Variants in TENM2 observed in about 807,000 individuals in gnomAD.
TENM2 encodes the protein teneurin-2.
A neutral mutation model predicts 245.2 loss-of-function variants in TENM2; 52 were observed. The observed-to-expected ratio is 0.21, with a 90% CI of 0.17 to 0.27. TENM2 has a LOEUF of 0.27. Ranked by LOEUF, TENM2 falls within the 10% of genes least tolerant of loss-of-function variation. The pLI is 1.00. For synonymous variants in TENM2, 1,363 were observed against 1,438.9 expected (o/e 0.95, Z 1.19); for missense variants, 3,046 against 3,666.8 (o/e 0.83, Z 4.37).
At chr5:167,234,260 G>C in the TENM2 span, among the ~76,000 whole-genome samples, 83 of 152,206 alleles carry the variant, frequency 5.5e-4, 1 homozygote, top group African/African-American at 1.9e-3. Flanking sequence ...TTTTTCTAAC[G>C]GAAGTCCTTT....
intron 2 of TENM2, among the ~76,000 whole-genome samples, chr5:167,379,797 A>G (rs1481533859): frequency 1.3e-5 from 2 of 152,060 alleles, no homozygotes; most frequent in South Asian, 2.1e-4. Context: ...AAAAGCATAC[A>G]TTCATATTTG....
chr5:167,423,680 T>C (rs1243032070), intron 2 of TENM2, among the ~76,000 whole-genome samples: 1 of 152,168 alleles, frequency 6.6e-6, no homozygotes, highest in Non-Finnish European at 1.5e-5. Context: ...AAAACAATAG[T>C]CCAGGACTTC....
intron 2 of TENM2, among the ~76,000 whole-genome samples, chr5:167,481,615 T>C (rs1767764157): frequency 1.3e-5 from 2 of 152,100 alleles, no homozygotes; most frequent in Admixed American, 1.3e-4. Context: ...GCCACATGTG[T>C]CACGTACCTG....
exon 25 of TENM2, chr5:168,227,998 G>C: frequency 6.2e-7 from 1 of 1,613,662 alleles, no homozygotes; most frequent in Non-Finnish European, 8.5e-7. Context: ...ATGTCCTAGC[G>C]GGCACCATCA....
chr5:167,876,737 G>C lies in TENM2; in HGVS notation c.712+542G>C, dbSNP rs1056610282. Among the ~76,000 whole-genome samples the C allele has an allele frequency of 2.6e-5, 4 of 152,138 alleles. No individual in the cohort carries two copies. In the East Asian group the frequency reaches 7.7e-4, roughly 29 times the overall value. Reference sequence around the variant, plus strand: ...TTGCCAAGTCTGAAGTGTTTGGGGGGTGACCTCTCCTGTAACCCTTTGCTT... The same window carrying C: ...TTGCCAAGTCTGAAGTGTTTGGGGGCTGACCTCTCCTGTAACCCTTTGCTT... On this transcript the variant is annotated intron_variant, in intron 3 of 28. Transcript: ENST00000518659.
chr5:168,213,615 A>C (rs1044394691), intron 20 of TENM2, among the ~76,000 whole-genome samples: 8 of 151,996 alleles, frequency 5.3e-5, no homozygotes, highest in Admixed American at 2.6e-4. Flanking sequence ...TCTTGAGGCC[A>C]GGAGTTTGAG....
At chr5:167,518,682 C>T (rs766732288) in intron 2 of TENM2, among the ~76,000 whole-genome samples, 3 of 152,154 alleles carry the variant, frequency 2.0e-5, no homozygotes, top group Admixed American at 2.0e-4. Context: ...AACATGAAAA[C>T]TGAGACTGAG....
intron 2 of TENM2, among the ~76,000 whole-genome samples, chr5:167,382,553 A>G (rs1761155139): frequency 6.6e-6 from 1 of 152,230 alleles, no homozygotes; most frequent in African/African-American, 2.4e-5. Context: ...TTTGTGAAGA[A>G]GAAAAGATAA....
chr5:167,800,639 C>A (rs1217899327), intron 2 of TENM2, among the ~76,000 whole-genome samples: 1 of 152,164 alleles, frequency 6.6e-6, no homozygotes, highest in Non-Finnish European at 1.5e-5. Context: ...TGCTTGATTT[C>A]CACTGAATTT....
At chr5:167,389,886 T>C (rs2127359151) in intron 2 of TENM2, among the ~76,000 whole-genome samples, 1 of 152,342 alleles carries the variant, frequency 6.6e-6, no homozygotes, top group East Asian at 1.9e-4. Flanking sequence ...TGAGCAACTC[T>C]TCATGTATTC....
intron 2 of TENM2, among the ~76,000 whole-genome samples, chr5:167,855,885 G>T (rs1273184768): frequency 2.1e-5 from 1 of 46,564 alleles, no homozygotes; most frequent in Non-Finnish European, 9.3e-5. Context: ...GAGGAAGGAA[G>T]GGAAGGAGGG....
At chr5:168,048,374 T>G (rs954782520) in intron 6 of TENM2, among the ~76,000 whole-genome samples, 1 of 152,130 alleles carries the variant, frequency 6.6e-6, no homozygotes, top group African/African-American at 2.4e-5. Flanking sequence ...CATGCAAATT[T>G]CCATTCTGCC....
chr5:167,297,853 G>T (rs1229327580), intron 1 of TENM2, among the ~76,000 whole-genome samples: 1 of 152,046 alleles, frequency 6.6e-6, no homozygotes, highest in African/African-American at 2.4e-5. Flanking sequence ...TTCAGTAGGG[G>T]AGCTTTTGAG....
chr5:168,145,141 T>C (rs1755935463), intron 12 of TENM2, among the ~76,000 whole-genome samples: 1 of 144,410 alleles, frequency 6.9e-6, no homozygotes, highest in South Asian at 2.4e-4. Context: ...GCCTGTTCAC[T>C]CTGATGGTAG....
At chr5:167,189,037 A>G in the TENM2 span, among the ~76,000 whole-genome samples, 1 of 152,006 alleles carries the variant, frequency 6.6e-6, no homozygotes, top group African/African-American at 2.4e-5. Context: ...ATTCATTTTC[A>G]TGTATGCAGT....
At chr5:167,771,175 C>T (rs1001274848) in intron 2 of TENM2, among the ~76,000 whole-genome samples, 8 of 152,086 alleles carry the variant, frequency 5.3e-5, no homozygotes, top group Non-Finnish European at 4.4e-5. Context: ...TGAAGCTAAA[C>T]ACTTGATAGA....
the TENM2 span, among the ~76,000 whole-genome samples, chr5:166,995,371 C>T: frequency 6.6e-6 from 1 of 151,836 alleles, no homozygotes; most frequent in Non-Finnish European, 1.5e-5. Context: ...TCCAGAGTAG[C>T]TGGGACTACA....
At chr5:167,464,972 A>C (rs772053684) in intron 2 of TENM2, among the ~76,000 whole-genome samples, 4 of 152,334 alleles carry the variant, frequency 2.6e-5, no homozygotes, top group Non-Finnish European at 5.9e-5. Flanking sequence ...TAACTTTTCC[A>C]ATAAAGTGTC....
chr5:167,559,320 G>A (rs1268794426), intron 2 of TENM2, among the ~76,000 whole-genome samples: 1 of 152,166 alleles, frequency 6.6e-6, no homozygotes, highest in Non-Finnish European at 1.5e-5. Context: ...AGAAAGCCAA[G>A]TGACTCAAAA....
Sources: allele counts gnomAD v4.1 joint callset (sites outside exome capture counted in the v4.1 genomes callset), GRCh38; gene constraint gnomAD v4.1.1; transcripts MANE v1.5; gene names NCBI Gene and HGNC (gene_info 2026-07-23, HGNC 2026-07-21).